MICAL3: variants seen among roughly 807,000 people sequenced by gnomAD.
MICAL3 encodes the protein microtubule associated monooxygenase, calponin and LIM domain containing 3.
A neutral mutation model predicts 207.4 loss-of-function variants in MICAL3; 62 were observed. The ratio of observed to expected loss-of-function variants is 0.30; its 90% CI spans 0.24 to 0.37. The LOEUF is 0.37. Among genes scored for constraint, MICAL3 ranks in the 10% least tolerant of loss-of-function variants. MICAL3 has a pLI of 1.00. For missense variants in MICAL3, 2,368 were observed against 2,635.6 expected (o/e 0.90, Z 2.22); for synonymous variants, 1,077 against 1,069.3 (o/e 1.01, Z -0.14).
intron 21 of MICAL3, 95 bp downstream of exon 21, chr22:17,831,759 G>A (rs908535355): frequency 4.7e-5 from 70 of 1,488,858 alleles, no homozygotes; most frequent in African/African-American, 5.6e-5. Context: ...AGGCACGTCC[G>A]TGTGACGTCA....
chr22:17,993,872 C>T (rs1921975028), intron 1 of MICAL3, among the ~76,000 whole-genome samples: 2 of 152,052 alleles, frequency 1.3e-5, no homozygotes, highest in African/African-American at 2.4e-5. Context: ...GTGGAATATG[C>T]CCAAGTCAGT....
chr22:18,014,615 T>C (rs1431493770), intron 1 of MICAL3, among the ~76,000 whole-genome samples: 1 of 152,208 alleles, frequency 6.6e-6, no homozygotes, highest in African/African-American at 2.4e-5. Flanking sequence ...AAAATATTCT[T>C]ACAATTCTCT....
intron 23 of MICAL3, 122 bp from the exon 24 acceptor site, chr22:17,822,292 G>A (rs1921729268): frequency 7.8e-7 from 1 of 1,278,170 alleles, no homozygotes; most frequent in South Asian, 1.5e-5. Flanking sequence ...AGGCCTGGAG[G>A]CCCTTCTTAC....
chr22:17,831,904 T>A lies in MICAL3; in HGVS notation c.3005A>T (p.Glu1002Val). The A allele has an allele frequency of 3.2e-6, 5 of 1,557,268 alleles. No homozygotes were observed. Among genetic ancestry groups the A allele is most frequent in the Non-Finnish European group, 4.3e-6 (5 of 1,150,200 alleles). ...GTCATAGTCCTCCTCCTCCTCCTCT[T>A]CATATTCTTCCTCCTCCTCCTCCTC... ...EEEEEEEEEY[E>V]EEEEEDYDEE... Residue 1002 changes from glutamate to valine, a missense_variant, in exon 21 of 32, where the codon GAA (glutamate) becomes GTA (valine). Coordinates refer to ENST00000441493, the MANE Select transcript of MICAL3 (RefSeq NM_015241.3).
At chr22:17,851,566 C>T (rs1255109672) in intron 19 of MICAL3, among the ~76,000 whole-genome samples, 2 of 152,216 alleles carry the variant, frequency 1.3e-5, no homozygotes, top group Non-Finnish European at 2.9e-5. Flanking sequence ...GTCTGAGCTT[C>T]GCTCCACTAT....
At chr22:17,924,524 G>A (rs1478205295) in intron 1 of MICAL3, among the ~76,000 whole-genome samples, 1 of 152,104 alleles carries the variant, frequency 6.6e-6, no homozygotes, top group Non-Finnish European at 1.5e-5. Context: ...AGCATCAACA[G>A]GACACTCAAA....
rs1011754536 is a variant in MICAL3, at chr22:17,788,451, G to A, written c.*2281C>T. 2.6e-5 allele frequency: 4 copies of A among 152,472 alleles called. No homozygotes were observed. The highest frequency in any genetic ancestry group is 2.0e-4 in the Admixed American group (3 of 15,310). 9.4% of individuals were successfully genotyped at this position (152,472 alleles called of 1,614,324 possible). On this transcript the variant is annotated 3_prime_UTR_variant, in exon 32 of 32. Coordinates refer to ENST00000441493, the MANE Select transcript of MICAL3 (RefSeq NM_015241.3). ...AAGCCACTTTGCAAACTGTTTCCCT[G>A]TTGTGGGGCCAGCAGGAGCTACAAG...
chr22:17,917,760 G>A (rs1445029908), intron 1 of MICAL3, among the ~76,000 whole-genome samples: 9 of 152,150 alleles, frequency 5.9e-5, no homozygotes, highest in African/African-American at 2.4e-5. Flanking sequence ...AGTGCCCCTC[G>A]CTCTTCAGGT....
chr22:17,862,068 C>T, intron 19 of MICAL3: 4 of 985,384 alleles, frequency 4.1e-6, no homozygotes, highest in Non-Finnish European at 4.8e-6. Context: ...CCAGTCATAG[C>T]TTTACCAGCC....
chr22:17,941,014 C>A (rs1363032903), intron 1 of MICAL3, among the ~76,000 whole-genome samples: 1 of 152,078 alleles, frequency 6.6e-6, no homozygotes, highest in African/African-American at 2.4e-5. Context: ...ACGGGATGAA[C>A]CCACTAAAGA....
chr22:17,948,068 G>A lies in MICAL3; in HGVS notation c.-74-41182C>T, dbSNP rs540284676. ...CCTCTGCTCCTGTAAAGCAAGGCACGAGAGCTTGAAAGCTCCAGAGCTGAT... is the reference window on the plus strand; with the variant it reads ...CCTCTGCTCCTGTAAAGCAAGGCACAAGAGCTTGAAAGCTCCAGAGCTGAT... On this transcript the variant is annotated intron_variant, in intron 1 of 31. Transcript: ENST00000441493. Among the ~76,000 whole-genome samples the A allele has an allele frequency of 1.1e-4, 16 of 151,824 alleles. 1 individual carries two copies. The South Asian group carries it at 3.1e-3, about 30-fold the overall frequency.
At position 17,942,260 on chromosome 22, in the gene MICAL3, G is replaced by A. The variant is rs939082089; in HGVS notation, c.-74-35374C>T. On this transcript the variant is annotated intron_variant, in intron 1 of 31. Transcript: ENST00000441493. The stretch of plus-strand genomic sequence containing the variant: ...AAGGCAGTCCATGCACCAAGTGACC[G>A]TGGCTGTCCAGCCAGCTGTAGAGTT... 3.3e-5 allele frequency among the ~76,000 whole-genome samples: 5 copies of A among 152,170 alleles called. No homozygotes were observed. The South Asian group carries it at 6.2e-4, about 19-fold the overall frequency.
intron 16 of MICAL3, among the ~76,000 whole-genome samples, chr22:17,873,025 G>A (rs994814697): frequency 1.7e-4 from 26 of 152,246 alleles, no homozygotes; most frequent in Non-Finnish European, 2.9e-5. Context: ...GAAACCGGGT[G>A]GAAGAAAAAC....
intron 17 of MICAL3, among the ~76,000 whole-genome samples, chr22:17,866,753 G>C (rs1371320445): frequency 2.0e-5 from 3 of 152,212 alleles, no homozygotes; most frequent in Non-Finnish European, 4.4e-5. Context: ...AGCTGTGTCT[G>C]GGTCTCAATG....
Position 17,789,375 on chromosome 22 carries a change from T to C in MICAL3, c.*1357A>G, listed in dbSNP as rs536249981. The stretch of plus-strand genomic sequence containing the variant: ...GATGAGGGCCCATCCTGAAACCTTC[T>C]TTAACATATGTGCGGAGGAAGGTGA... On this transcript the variant is annotated 3_prime_UTR_variant, in exon 32 of 32. Coordinates refer to ENST00000441493, the MANE Select transcript of MICAL3 (RefSeq NM_015241.3). 1 of 152,334 alleles carries C rather than the reference T, an allele frequency of 6.6e-6. No individual in the cohort carries two copies. Among genetic ancestry groups the C allele is most frequent in the East Asian group, 1.9e-4 (1 of 5,172 alleles). 9.4% of individuals were successfully genotyped at this position (152,334 alleles called of 1,614,324 possible). A position where few individuals can be genotyped will look rare whatever the true frequency, so the allele number is the denominator to read the frequency against.
At chr22:17,801,818 C>T (rs1038166759) in intron 29 of MICAL3, among the ~76,000 whole-genome samples, 15 of 151,908 alleles carry the variant, frequency 9.9e-5, no homozygotes, top group Non-Finnish European at 1.9e-4. Context: ...CGCTTGAACC[C>T]GGGAGGCGGA....
At chr22:17,799,289 G>A (rs1179228342) in intron 29 of MICAL3, among the ~76,000 whole-genome samples, 1 of 152,188 alleles carries the variant, frequency 6.6e-6, no homozygotes, top group Non-Finnish European at 1.5e-5. Context: ...GGCTGAGGCA[G>A]GAGAATTGCT....
intron 1 of MICAL3, among the ~76,000 whole-genome samples, chr22:17,925,125 A>G (rs1394962393): frequency 6.6e-6 from 1 of 152,132 alleles, no homozygotes. Context: ...CATTCCTGGT[A>G]AATATTCCAA....
chr22:17,953,288 C>G (rs1379342046), intron 1 of MICAL3, among the ~76,000 whole-genome samples: 1 of 152,160 alleles, frequency 6.6e-6, no homozygotes, highest in Non-Finnish European at 1.5e-5. Flanking sequence ...AAATTGAACA[C>G]AAGAACCTCT....
Sources: gnomAD v4.1 joint callset for allele counts (sites outside exome capture counted in the v4.1 genomes callset) on GRCh38, gnomAD v4.1.1 for gene constraint, MANE v1.5 for transcripts, NCBI Gene and HGNC (gene_info 2026-07-23, HGNC 2026-07-21) for gene names.